GDAP1: variants seen among roughly 807,000 people sequenced by gnomAD.
The protein encoded by GDAP1 is ganglioside-induced differentiation-associated protein 1.
GDAP1 carries 34 observed loss-of-function variants against 40.1 expected under a neutral mutation model. The ratio of observed to expected loss-of-function variants is 0.85; its 90% confidence interval spans 0.64 to 1.13. GDAP1 has a LOEUF of 1.13. GDAP1 is among the 50% of genes most tolerant of loss of function. The pLI is 0.00. For missense variants in GDAP1, 374 were observed against 433.7 expected (o/e 0.86, Z 1.22); for synonymous variants, 170 against 157.4 (o/e 1.08, Z -0.60).
intron 2 of GDAP1, among the ~76,000 whole-genome samples, chr8:74,410,502 A>G (rs1273418190): frequency 1.3e-5 from 2 of 150,268 alleles, no homozygotes; most frequent in Non-Finnish European, 1.5e-5. Flanking sequence ...TCTTCCCAGC[A>G]TTACTTGGGA....
At chr8:74,456,175 A>T (rs1337356734) in intron 2 of GDAP1, among the ~76,000 whole-genome samples, 2 of 151,870 alleles carry the variant, frequency 1.3e-5, no homozygotes, top group Non-Finnish European at 2.9e-5. Flanking sequence ...TAGTATTGCA[A>T]AATACAGGCA....
At chr8:74,393,455 A>C (rs1810143244) in intron 2 of GDAP1, among the ~76,000 whole-genome samples, 2 of 152,204 alleles carry the variant, frequency 1.3e-5, no homozygotes, top group Admixed American at 1.3e-4. Flanking sequence ...ACTTGGCCCC[A>C]AATTTTTGTT....
At chr8:74,431,631 G>A (rs1806027385) in intron 2 of GDAP1, among the ~76,000 whole-genome samples, 1 of 151,962 alleles carries the variant, frequency 6.6e-6, no homozygotes, top group Non-Finnish European at 1.5e-5. Context: ...ACAGGCGCCC[G>A]CCACTGCACC....
At chr8:74,474,952 G>A (rs1040512326) in intron 2 of GDAP1, among the ~76,000 whole-genome samples, 1 of 152,022 alleles carries the variant, frequency 6.6e-6, no homozygotes, top group East Asian at 1.9e-4. Context: ...ATTTATTACT[G>A]ATTCAATTTT....
intron 2 of GDAP1, among the ~76,000 whole-genome samples, chr8:74,395,740 C>T (rs555592711): frequency 6.6e-6 from 1 of 152,216 alleles, no homozygotes; most frequent in African/African-American, 2.4e-5. Flanking sequence ...ATTAAAACAC[C>T]TGTATCTGTA....
In GDAP1 at chr8:74,359,952, A is replaced by G. The variant is rs11987371; in HGVS notation, c.311-185A>G. Among the ~76,000 whole-genome samples, 2,287 of 150,316 alleles carry G rather than the reference A, an allele frequency of 0.015. 43 individuals are homozygous for G. Among genetic ancestry groups the G allele is most frequent in the African/African-American group, 0.052 (2,134 of 40,816 alleles). ...AATACCAATGTGATTATGGTTTGGG[A>G]TCTTGTCTGGTGCATCAGGCCATTT... On this transcript the variant is annotated intron_variant, in intron 2 of 5. Coordinates refer to ENST00000220822, the MANE Select transcript of GDAP1 (RefSeq NM_018972.4).
At chr8:74,445,874 T>C (rs1806220590) in intron 2 of GDAP1, among the ~76,000 whole-genome samples, 2 of 152,326 alleles carry the variant, frequency 1.3e-5, no homozygotes, top group Admixed American at 1.3e-4. Context: ...TCAAAGATGG[T>C]ATTGAGCTAT....
chr8:74,374,416 T>C (rs560072337), intron 2 of GDAP1, among the ~76,000 whole-genome samples: 17 of 152,104 alleles, frequency 1.1e-4, no homozygotes, highest in Non-Finnish European at 2.4e-4. Context: ...AAGCTTAAAA[T>C]TTTTCATGTA....
At chr8:74,412,928 G>A (rs1041406166) in intron 2 of GDAP1, among the ~76,000 whole-genome samples, 1 of 148,100 alleles carries the variant, frequency 6.8e-6, no homozygotes, top group Non-Finnish European at 1.5e-5. Context: ...TTAGCTGGGC[G>A]TGGTGGCACG....
intron 2 of GDAP1, among the ~76,000 whole-genome samples, chr8:74,414,456 A>G (rs1170849198): frequency 2.7e-5 from 4 of 150,178 alleles, no homozygotes; most frequent in African/African-American, 1.0e-4. Context: ...GAGATGAAGA[A>G]CAACCAAATG....
intron 2 of GDAP1, among the ~76,000 whole-genome samples, chr8:74,405,388 G>T (rs1805625879): frequency 6.7e-6 from 1 of 150,142 alleles, no homozygotes; most frequent in Non-Finnish European, 1.5e-5. Context: ...ATTGTTTAGG[G>T]AATAATGACA....
At chr8:74,458,921 A>G (rs11985997) in intron 2 of GDAP1, among the ~76,000 whole-genome samples, 3 of 152,146 alleles carry the variant, frequency 2.0e-5, no homozygotes, top group African/African-American at 7.2e-5. Context: ...CACGCTCTTC[A>G]CTGAGCCTCC....
In GDAP1 at chr8:74,366,470, G is replaced by A. The variant is rs1334178894; in HGVS notation, c.*2103G>A. 4.4e-6 allele frequency: 2 copies of A among 454,442 alleles called. No individual in the cohort carries two copies. Among genetic ancestry groups the A allele is most frequent in the South Asian group, 3.1e-5 (2 of 64,466 alleles). 28.2% of individuals were successfully genotyped at this position (454,442 alleles called of 1,614,324 possible). ...GAGTGATTTCCAGTGCTTTGAAAGG[G>A]ATTACAGTATCACACAATGTCAAGC... On this transcript the variant is annotated 3_prime_UTR_variant, in exon 6 of 6. Transcript: ENST00000220822.
At chr8:74,376,966 A>T (rs1809865428) in intron 2 of GDAP1, among the ~76,000 whole-genome samples, 2 of 152,202 alleles carry the variant, frequency 1.3e-5, no homozygotes, top group African/African-American at 4.8e-5. Context: ...GGGAAAAGAA[A>T]GTCTTTTCAA....
At chr8:74,374,308 A>G (rs765341676) in intron 2 of GDAP1, among the ~76,000 whole-genome samples, 12 of 152,108 alleles carry the variant, frequency 7.9e-5, no homozygotes, top group Non-Finnish European at 1.3e-4. Flanking sequence ...TTTTCTATTG[A>G]TTGGAATAGT....
At chr8:74,360,378 C>G in intron 3 of GDAP1, 68 bp downstream of exon 3, 1 of 1,267,084 alleles carries the variant, frequency 7.9e-7, no homozygotes, top group Non-Finnish European at 1.2e-6. Flanking sequence ...TGAGACCTAG[C>G]ATGTCTCATG....
At chr8:74,414,973 C>T (rs981677058) in intron 2 of GDAP1, among the ~76,000 whole-genome samples, 1 of 149,998 alleles carries the variant, frequency 6.7e-6, no homozygotes, top group African/African-American at 2.5e-5. Context: ...AAAATAACTC[C>T]AGTGATGGTT....
intron 2 of GDAP1, among the ~76,000 whole-genome samples, chr8:74,484,976 T>A (rs1230583900): frequency 2.6e-5 from 4 of 152,150 alleles, no homozygotes; most frequent in African/African-American, 9.7e-5. Flanking sequence ...ATTCTCAGAT[T>A]TTCCAAGTTT....
chr8:74,479,176 T>A (rs1423127180), intron 2 of GDAP1, among the ~76,000 whole-genome samples: 1 of 152,216 alleles, frequency 6.6e-6, no homozygotes, highest in African/African-American at 2.4e-5. Flanking sequence ...GTGTTGTTAT[T>A]ATTATTACTT....
Sources: allele counts gnomAD v4.1 joint callset (sites outside exome capture counted in the v4.1 genomes callset), GRCh38; gene constraint gnomAD v4.1.1; transcripts MANE v1.5; gene names NCBI Gene and HGNC (gene_info 2026-07-23, HGNC 2026-07-21).